Variants in TMEM182 observed in about 807,000 individuals in gnomAD.
TMEM182 encodes transmembrane protein 182.
Under a neutral mutation model 26.8 loss-of-function variants are expected in TMEM182, and 20 were observed. The ratio of observed to expected loss-of-function variants is 0.75; its 90% CI spans 0.53 to 1.09. The LOEUF (loss-of-function observed/expected upper bound fraction) is 1.09. TMEM182 is among the 50% of genes least tolerant of loss of function. The pLI is 0.00. For synonymous variants in TMEM182, 109 were observed against 102.2 expected (o/e 1.07, Z -0.40); for missense variants, 277 against 275.5 (o/e 1.01, Z -0.04).
At position 102,816,634 on chromosome 2, in the gene TMEM182, T is replaced by C; in HGVS notation, c.*1666T>C. The C allele has an allele frequency of 1.0e-6, 1 of 985,636 alleles. No homozygotes were observed. Among genetic ancestry groups the C allele is most frequent in the Non-Finnish European group, 1.2e-6 (1 of 829,874 alleles). The allele number at this position is 985,636 out of a possible 1,614,324, so 61.1% of individuals were successfully genotyped here. On this transcript the variant is annotated 3_prime_UTR_variant, in exon 5 of 5. Coordinates refer to ENST00000412401, the MANE Select transcript of TMEM182 (RefSeq NM_144632.5). The stretch of plus-strand genomic sequence containing the variant: ...TGGTACTTCCCTTTGTCTTTCACTG[T>C]TTCATTTTTATATTGCTTCATTTAC...
At chr2:102,790,748 A>G (rs1158874865) in intron 3 of TMEM182, among the ~76,000 whole-genome samples, 1 of 152,144 alleles carries the variant, frequency 6.6e-6, no homozygotes, top group Non-Finnish European at 1.5e-5. Flanking sequence ...CCAAGACATG[A>G]GCTCCTTTGA....
downstream of TMEM182, among the ~76,000 whole-genome samples, chr2:102,821,111 C>G (rs1682907203): frequency 6.6e-6 from 1 of 152,172 alleles, no homozygotes; most frequent in African/African-American, 2.4e-5. Flanking sequence ...CTACTTTTCC[C>G]CACTCTCATT....
intron 3 of TMEM182, among the ~76,000 whole-genome samples, chr2:102,778,179 T>C (rs1456495641): frequency 1.3e-5 from 2 of 152,010 alleles, no homozygotes; most frequent in Non-Finnish European, 2.9e-5. Flanking sequence ...TTCACTTATT[T>C]CATAGCTCTG....
chr2:102,802,295 C>T lies in TMEM182; in HGVS notation c.469+4295C>T, dbSNP rs537810769. 5.3e-5 allele frequency among the ~76,000 whole-genome samples: 8 copies of T among 152,232 alleles called. No individual in the cohort carries two copies. The East Asian group carries it at 5.8e-4, about 11-fold the overall frequency. ...CTGATATCAGGCTGTGGGGTAGGAG[C>T]GGTGGGGCCCATGGTGTTCCCTTTG... On this transcript the variant is annotated intron_variant, in intron 4 of 4. Transcript: ENST00000412401.
At chr2:102,771,360 C>T (rs995466060) in intron 3 of TMEM182, among the ~76,000 whole-genome samples, 1 of 152,162 alleles carries the variant, frequency 6.6e-6, no homozygotes, top group African/African-American at 2.4e-5. Context: ...GGGACCCCAG[C>T]CCAGGCTCCA....
rs148931413 is a variant in TMEM182 at position 102,797,394 on chromosome 2, C to T, written c.332-469C>T. On this transcript the variant is annotated intron_variant, in intron 3 of 4. Coordinates refer to ENST00000412401, the MANE Select transcript of TMEM182 (RefSeq NM_144632.5). The stretch of plus-strand genomic sequence containing the variant: ...GCTTGGGGTGACTATTATCAGCTCT[C>T]AGAGATAATCATGGTACAAATATAT... 1.3e-3 allele frequency among the ~76,000 whole-genome samples: 203 copies of T among 152,202 alleles called. 2 individuals carry two copies. The East Asian group carries it at 0.026, about 19-fold the overall frequency.
intron 4 of TMEM182, among the ~76,000 whole-genome samples, chr2:102,813,269 A>G (rs577063015): frequency 6.6e-6 from 1 of 152,334 alleles, no homozygotes; most frequent in Admixed American, 6.5e-5. Flanking sequence ...TTGATGGCCC[A>G]GGAGAGAGAG....
In TMEM182 at chr2:102,816,858, T is replaced by G. The variant is rs1207929355; in HGVS notation, c.*1890T>G. The G allele has an allele frequency of 3.4e-5, 34 of 985,744 alleles. No individual in the cohort carries two copies. Among genetic ancestry groups the G allele is most frequent in the Non-Finnish European group, 3.9e-5 (32 of 829,932 alleles). 61.1% of individuals were successfully genotyped at this position (985,744 alleles called of 1,614,324 possible). ...CCTTTTTCTGGTGTACTGTATGCCA[T>G]TTAAGTTTCACATACAAGCTGCTTT... On this transcript the variant is annotated 3_prime_UTR_variant, in exon 5 of 5. Transcript: ENST00000412401.
At chr2:102,755,957 G>A (rs1267343616) in intron 1 of TMEM182, among the ~76,000 whole-genome samples, 2 of 152,174 alleles carry the variant, frequency 1.3e-5, no homozygotes, top group South Asian at 2.1e-4. Flanking sequence ...GAGTGTTGCC[G>A]TTAACACTTA....
intron 4 of TMEM182, among the ~76,000 whole-genome samples, chr2:102,806,231 A>T (rs1293711894): frequency 1.3e-5 from 2 of 152,146 alleles, no homozygotes; most frequent in Non-Finnish European, 2.9e-5. Context: ...GTATGGAAAG[A>T]GAAGCCTAAT....
downstream of TMEM182, among the ~76,000 whole-genome samples, chr2:102,820,650 T>C (rs1682899976): frequency 1.3e-5 from 2 of 152,120 alleles, no homozygotes; most frequent in Admixed American, 1.3e-4. Flanking sequence ...AGGGAGCAAG[T>C]GGAAGAAAAC....
rs1160252454 is a variant in TMEM182, at chr2:102,762,354, G to A, written c.132+5G>A. The A allele has an allele frequency of 3.1e-6, 5 of 1,613,678 alleles. No homozygotes were observed. The South Asian group carries it at 3.3e-5, about 11-fold the overall frequency. On this transcript the variant is annotated splice_donor_5th_base_variant and intron_variant, in intron 1 of 4. Coordinates refer to ENST00000412401, the MANE Select transcript of TMEM182 (RefSeq NM_144632.5). ...AGATGTTCAGGTGAAAAGAATGTGA[G>A]TCTCTTCTTCAAAATAGTGATGCAC...
In TMEM182 at chr2:102,741,157, C is replaced by G. The variant is rs115778095; in HGVS notation, c.-83+4144C>G. On this transcript the variant is annotated intron_variant, in intron 1 of 5. Transcript: ENST00000409173. ...GGGGATCACTGGAAATCTGGAGAGA[C>G]AGACTAGCATATAGAATTACAGTCA... Among the ~76,000 whole-genome samples, 1,212 of 152,258 alleles carry G rather than the reference C, an allele frequency of 8.0e-3. 23 individuals are homozygous for G. Among genetic ancestry groups the G allele is most frequent in the African/African-American group, 0.027 (1,106 of 41,534 alleles).
rs1682703596 is a variant in TMEM182, at chr2:102,815,292, T to C, written c.*324T>C. On this transcript the variant is annotated 3_prime_UTR_variant, in exon 5 of 5. Coordinates refer to ENST00000412401, the MANE Select transcript of TMEM182 (RefSeq NM_144632.5). ...GCTTAATACCATGACATGGGGAAAA[T>C]CTCGATAGATTTGGCTTAAAGTCTC... 15 of 1,028,854 alleles carry C rather than the reference T, an allele frequency of 1.5e-5. No individual in the cohort carries two copies. The highest frequency in any genetic ancestry group is 1.7e-5 in the Non-Finnish European group (15 of 859,146). 63.7% of individuals were successfully genotyped at this position (1,028,854 alleles called of 1,614,324 possible).
chr2:102,758,456 C>G (rs921158860), upstream of TMEM182: 2 of 716,850 alleles, frequency 2.8e-6, no homozygotes, highest in African/African-American at 3.5e-5. Flanking sequence ...AAAAAAGACA[C>G]CTTTTACCTC....
upstream of TMEM182, chr2:102,757,521 A>G: frequency 6.6e-6 from 1 of 152,064 alleles, no homozygotes; most frequent in South Asian, 2.1e-4. Context: ...TGCCTACTAA[A>G]GACTTATCTG....
At chr2:102,831,397 A>T (rs1683145839) in intron 3 of TMEM182, among the ~76,000 whole-genome samples, 1 of 152,192 alleles carries the variant, frequency 6.6e-6, no homozygotes, top group South Asian at 2.1e-4. Context: ...AGTTTGATAC[A>T]CAAAGGTAAA....
chr2:102,798,253 C>T (rs1681967123), intron 4 of TMEM182, among the ~76,000 whole-genome samples: 1 of 152,162 alleles, frequency 6.6e-6, no homozygotes, highest in Non-Finnish European at 1.5e-5. Context: ...AGTCTCTGCT[C>T]ACTGTAAGGC....
chr2:102,740,862 A>G (rs1042815087), intron 1 of TMEM182, among the ~76,000 whole-genome samples: 1 of 152,256 alleles, frequency 6.6e-6, no homozygotes, highest in African/African-American at 2.4e-5. Context: ...TAGCCATACA[A>G]TTCAGTATAA....
Sources: allele counts gnomAD v4.1 joint callset (sites outside exome capture counted in the v4.1 genomes callset), GRCh38; gene constraint gnomAD v4.1.1; transcripts MANE v1.5; gene names NCBI Gene and HGNC (gene_info 2026-07-23, HGNC 2026-07-21).